The following WDR90 variants were observed in gnomAD, a reference collection of about 807,000 sequenced individuals.
The protein encoded by WDR90 is WD repeat-containing protein 90.
In WDR90, 238 loss-of-function variants were observed where a neutral mutation model predicts 195.2. The ratio of observed to expected loss-of-function variants is 1.22; its 90% CI spans 1.10 to 1.36. The LOEUF (loss-of-function observed/expected upper bound fraction) is 1.36. Ranked by LOEUF, WDR90 falls within the 40% of genes most tolerant of loss-of-function variation. The probability of loss-of-function intolerance (pLI) is 0.00; values close to 1 mark genes in which losing one functional copy is unlikely to be tolerated. For missense variants in WDR90, 2,734 were observed against 2,439.5 expected (o/e 1.12, Z -2.54); for synonymous variants, 1,265 against 1,052.4 (o/e 1.20, Z -3.91).
chr16:651,534 G>A (rs1167587608), intron 7 of WDR90, 110 bp from the exon 8 acceptor site: 1 of 1,131,468 alleles, frequency 8.8e-7, no homozygotes. Flanking sequence ...TGTGGGTCCT[G>A]CAGAGCCGGT....
chr16:655,011 A>G lies in WDR90; in HGVS notation c.1438-18A>G. 8.7e-6 allele frequency: 14 copies of G among 1,610,534 alleles called. No individual in the cohort carries two copies. Among genetic ancestry groups the G allele is most frequent in the Non-Finnish European group, 1.1e-5 (13 of 1,178,334 alleles). On this transcript the variant is annotated intron_variant, in intron 13 of 40. Coordinates refer to ENST00000293879, the MANE Select transcript of WDR90 (RefSeq NM_145294.5). ...CCGACTGGCCCTGCCGTGCGGGCTCAGCCTGGGCTTGTTGCAGATGGTGGT... is the reference window on the plus strand; with the variant it reads ...CCGACTGGCCCTGCCGTGCGGGCTCGGCCTGGGCTTGTTGCAGATGGTGGT...
At chr16:649,352 C>T (rs1422933930), upstream of WDR90, 46 of 1,319,188 alleles carry the variant, frequency 3.5e-5, no homozygotes, top group Non-Finnish European at 4.3e-5. Context: ...CGTTGCCTGG[C>T]GTCGCGGGGC....
Position 661,925 on chromosome 16 carries a change from C to T in WDR90, c.3899C>T (p.Ala1300Val), listed in dbSNP as rs761692903. ...GAGCCAGTCCCAGAGGCAGTGGGGG[C>T]TGGAGAGCTGACCTCGCTCTGCTAC... ...RREPVPEAVGAGELTSLCYGA... is the reference protein window; with the variant it reads ...RREPVPEAVGVGELTSLCYGA... The change falls in exon 32 of 41, where the codon GCT becomes GTT. Residue 1300 changes from alanine to valine, a missense_variant. Physicochemically the swap from Ala to Val is moderately conservative, Grantham distance 64 (BLOSUM62 0). Transcript: ENST00000293879. 4 of 1,609,676 alleles carry T rather than the reference C, an allele frequency of 2.5e-6. No individual in the cohort carries two copies. Among genetic ancestry groups the T allele is most frequent in the Non-Finnish European group, 3.4e-6 (4 of 1,179,806 alleles).
Position 650,998 on chromosome 16 carries a change from T to C in WDR90, c.563T>C (p.Ile188Thr). The change falls in exon 6 of 41, where the codon ATC (isoleucine) becomes ACC (threonine). Residue 188 changes from isoleucine (I) to threonine (T), a missense_variant. Transcript: ENST00000293879. ...GGAACAACCCTGCTCCTTGTAGCCA[T>C]CTCTGGGGCCCAGTGGGCAAAGCTG... ...YTSDLCFEPA[I>T]SGAQWAKLPV... The C allele has an allele frequency of 6.2e-7, 1 of 1,613,090 alleles. No individual in the cohort carries two copies. The highest frequency in any genetic ancestry group is 8.5e-7 in the Non-Finnish European group (1 of 1,179,940).
intron 26 of WDR90, 25 bp from the exon 27 acceptor site, chr16:660,033 A>C: frequency 1.3e-6 from 2 of 1,519,610 alleles, no homozygotes; most frequent in Non-Finnish European, 1.8e-6. Flanking sequence ...GTGTAATGCC[A>C]CAAGCTCTGC....
chr16:653,845 A>T (rs753275124), intron 13 of WDR90, 42 bp downstream of exon 13: 2 of 1,608,598 alleles, frequency 1.2e-6, no homozygotes, highest in Non-Finnish European at 1.7e-6. Flanking sequence ...GGCTGTCCTG[A>T]TGCACGCAGA....
chr16:649,742 C>T (rs1469622387), intron 1 of WDR90, 21 bp from the exon 2 acceptor site: 3 of 1,546,404 alleles, frequency 1.9e-6, no homozygotes, highest in African/African-American at 1.4e-5. Context: ...TCCCCTGACG[C>T]CCGGCGCCCG....
At position 656,878 on chromosome 16, in the gene WDR90, G is replaced by A; in HGVS notation, c.2342+7G>A. The A allele has an allele frequency of 6.2e-7, 1 of 1,611,256 alleles. No individual in the cohort carries two copies. On this transcript the variant is annotated splice_region_variant and intron_variant, in intron 19 of 40. Transcript: ENST00000293879. ...AGGTCCTGGTGGAACACACGTAAGT[G>A]CCCAGCTGGCCACCAGCCCCACGGA...
At position 650,582 on chromosome 16, in the gene WDR90, G is replaced by T. The variant is rs753672466; in HGVS notation, c.432G>T (p.Leu144=). Residue 144 remains leucine (L), a synonymous_variant, in exon 5 of 41, where the codon CTG becomes CTT. Coordinates refer to ENST00000293879, the MANE Select transcript of WDR90 (RefSeq NM_145294.5). The stretch of plus-strand genomic sequence containing the variant: ...CCTCCGGAGCCCGCTGGACCTGCCT[G>T]CAGCTCGATCTGCAGGACGTTCTCC... ...LAPSGARWTC[L]QLDLQDVLLV... 7 of 1,612,394 alleles carry T rather than the reference G, an allele frequency of 4.3e-6. No individual in the cohort carries two copies. The highest frequency in any genetic ancestry group is 5.1e-6 in the Non-Finnish European group (6 of 1,179,704).
chr16:658,383 C>T (rs12445077), intron 22 of WDR90, 39 bp downstream of exon 22: 1 of 1,605,806 alleles, frequency 6.2e-7, no homozygotes, highest in Admixed American at 1.7e-5. Context: ...CTGGCCCTCC[C>T]TGTGCTGTCC....
At chr16:649,908 A>C (rs2037605935) in intron 2 of WDR90, 54 bp downstream of exon 2, 1 of 1,588,924 alleles carries the variant, frequency 6.3e-7, no homozygotes, top group East Asian at 2.3e-5. Context: ...CCCCCAGGAG[A>C]GCTGCCCCGC....
At chr16:656,039 T>G (rs2037746154) in intron 17 of WDR90, 150 bp downstream of exon 17, 2 of 1,005,320 alleles carry the variant, frequency 2.0e-6, no homozygotes, top group Non-Finnish European at 2.9e-6. Context: ...TCCAGAGCCC[T>G]GGGGCGGCTG....
rs374938124 is a variant in WDR90 at position 666,034 on chromosome 16, C to T, written c.4519C>T (p.Leu1507=). 5.2e-5 allele frequency: 83 copies of T among 1,605,092 alleles called. No homozygotes were observed. The highest frequency in any genetic ancestry group is 3.0e-4 in the Admixed American group (18 of 60,002). Residue 1507 remains leucine, a synonymous_variant, in exon 36 of 41, where the codon CTG becomes TTG. Transcript: ENST00000293879. ...AGCGGCTGGCTACGGTGACGGCTCC[C>T]TGCGCATCTTCAGCGTCTCCCGCAC... ...RLAAGYGDGS[L]RIFSVSRTAM...
rs372511115 is a variant in WDR90, at chr16:656,737, C to G, written c.2208C>G (p.Tyr736Ter). 1 of 1,612,748 alleles carries G rather than the reference C, an allele frequency of 6.2e-7. No homozygotes were observed. The highest frequency in any genetic ancestry group is 1.1e-5 in the South Asian group (1 of 91,034). Reference sequence around the variant, plus strand: ...GCACGGCCCCTGTCCCACAGCTATACGACTTCACATCATCAGAGGACGCCC... The same window carrying G: ...GCACGGCCCCTGTCCCACAGCTATAGGACTTCACATCATCAGAGGACGCCC... ...IWDLATLQQLYDFTSSEDAPC... is the reference protein window; with the variant it reads ...IWDLATLQQL Residue 736 changes from tyrosine (Y) to a stop codon, truncating the protein, a stop_gained, in exon 19 of 41, where the codon TAC (tyrosine) becomes TAG (stop). Transcript: ENST00000293879. LOFTEE classifies it high-confidence loss of function.
chr16:650,519 C>G lies in WDR90; in HGVS notation c.389-20C>G, dbSNP rs1453415827. ...GGCTGTCAGGAGGGTGGGCGCTGAC[C>G]CTGAGTGCCCATCCTGCAGATCTGG... On this transcript the variant is annotated intron_variant, in intron 4 of 40. Transcript: ENST00000293879. The G allele has an allele frequency of 6.3e-7, 1 of 1,592,626 alleles. No homozygotes were observed. Among genetic ancestry groups the G allele is most frequent in the Non-Finnish European group, 8.6e-7 (1 of 1,164,670 alleles).
Position 649,754 on chromosome 16 carries a change from T to A in WDR90, c.11-9T>A. On this transcript the variant is annotated splice_polypyrimidine_tract_variant and intron_variant, in intron 1 of 40. Transcript: ENST00000293879. The stretch of plus-strand genomic sequence containing the variant: ...GAGTCCCCTGACGCCCGGCGCCCGC[T>A]CCCCGCAGCGTGGCAGCACCCGTTC... 1.3e-6 allele frequency: 2 copies of A among 1,550,524 alleles called. No homozygotes were observed. Among genetic ancestry groups the A allele is most frequent in the Non-Finnish European group, 1.7e-6 (2 of 1,147,852 alleles).
At chr16:666,422 G>A (rs763533077) in intron 37 of WDR90, 33 bp from the exon 38 acceptor site, 2 of 1,608,162 alleles carry the variant, frequency 1.2e-6, no homozygotes, top group Non-Finnish European at 1.7e-6. Flanking sequence ...TTGGCAGAAG[G>A]CACCTGTCGG....
In WDR90 at chr16:658,275, C is replaced by A. The variant is rs45613635; in HGVS notation, c.2697C>A (p.His899Gln). 0.26 allele frequency: 421,510 copies of A among 1,612,488 alleles called. 63,600 individuals are homozygous for A. Among genetic ancestry groups the A allele is most frequent in the East Asian group, 0.67 (30,277 of 44,858 alleles). ...GCTTTGGCCCTGCAGCTCTGGGCCA[C>A]CTGCTGGTGTCCACCTCGTCCAACA... is the stretch of plus-strand genomic sequence containing the variant. Reference protein sequence around the residue: ...AVCFGPAALGHLLVSTSSNRV... With the variant: ...AVCFGPAALGQLLVSTSSNRV... The change falls in exon 22 of 41, where the codon CAC (histidine) becomes CAA (glutamine). Residue 899 changes from histidine to glutamine, a missense_variant. By Grantham distance (24) the His-to-Gln change is conservative. Transcript: ENST00000293879.
intron 34 of WDR90, among the ~76,000 whole-genome samples, chr16:663,993 G>A (rs1249733511): frequency 6.6e-6 from 1 of 152,158 alleles, no homozygotes; most frequent in Non-Finnish European, 1.5e-5. Flanking sequence ...AGTTGCCCCT[G>A]GGTTGTTTCT....
Sources: allele counts gnomAD v4.1 joint callset (sites outside exome capture counted in the v4.1 genomes callset), GRCh38; gene constraint gnomAD v4.1.1; transcripts MANE v1.5; gene names NCBI Gene and HGNC (gene_info 2026-07-23, HGNC 2026-07-21).